The following KPNA4 variants were observed in gnomAD, a reference collection of about 807,000 sequenced individuals.
KPNA4 encodes importin subunit alpha-3.
A neutral mutation model predicts 71.3 loss-of-function variants in KPNA4; 13 were observed. The observed-to-expected ratio is 0.18, with a 90% CI of 0.12 to 0.29. The LOEUF (loss-of-function observed/expected upper bound fraction) is 0.29, where lower values mean the gene tolerates loss of function less well. Among genes scored for constraint, KPNA4 ranks in the 10% least tolerant of loss-of-function variants. The pLI, the probability that KPNA4 is intolerant of heterozygous loss-of-function variation, is 1.00. For missense variants in KPNA4, 334 were observed against 603.2 expected, an observed-to-expected ratio of 0.55 and a Z score of 4.67; for synonymous variants, 189 against 195.2, an observed-to-expected ratio of 0.97 and a Z score of 0.26.
At chr3:160,546,338 C>A (rs903434810) in intron 1 of KPNA4, among the ~76,000 whole-genome samples, 1 of 152,016 alleles carries the variant, frequency 6.6e-6, no homozygotes, top group Non-Finnish European at 1.5e-5. Context: ...GGCAACATGG[C>A]GAAACCCTGA....
Position 160,508,177 on chromosome 3 carries a change from T to C in KPNA4, c.1302A>G (p.Gly434=). The C allele has an allele frequency of 6.2e-7, 1 of 1,612,306 alleles. No homozygotes were observed. The highest frequency in any genetic ancestry group is 1.1e-5 in the South Asian group (1 of 90,678). Residue 434 remains glycine (G), a synonymous_variant, in exon 15 of 17, where the codon GGA becomes GGG. Transcript: ENST00000334256. ...CAGCCATTTTTAATATATTACTTAG[T>C]CCATCGAGTACTACTTGCACAACTT... ...DAQVVQVVLD[G]LSNILKMAED...
chr3:160,519,255 T>C (rs1187425977), intron 11 of KPNA4, among the ~76,000 whole-genome samples: 1 of 152,198 alleles, frequency 6.6e-6, no homozygotes, highest in Non-Finnish European at 1.5e-5. Flanking sequence ...TCCAAAAATG[T>C]TTTGTAGTAG....
chr3:160,531,003 C>G (rs934191396), intron 6 of KPNA4, 63 bp from the exon 7 acceptor site: 1 of 1,067,240 alleles, frequency 9.4e-7, no homozygotes, highest in Non-Finnish European at 1.4e-6. Flanking sequence ...AATATCTAAC[C>G]ATTCTTCCTT....
intron 5 of KPNA4, among the ~76,000 whole-genome samples, chr3:160,532,399 C>G (rs1457348279): frequency 6.6e-6 from 1 of 152,074 alleles, no homozygotes; most frequent in Admixed American, 6.5e-5. Context: ...CTTTACACAC[C>G]AAATTTAAGG....
At chr3:160,553,677 C>T (rs371159567) in intron 1 of KPNA4, among the ~76,000 whole-genome samples, 5 of 152,134 alleles carry the variant, frequency 3.3e-5, no homozygotes, top group South Asian at 2.1e-4. Flanking sequence ...GATTTTAATT[C>T]TACAGATGCA....
chr3:160,556,177 A>T (rs549122206), intron 1 of KPNA4, among the ~76,000 whole-genome samples: 1 of 152,332 alleles, frequency 6.6e-6, no homozygotes, highest in East Asian at 1.9e-4. Flanking sequence ...TGCTGCTATG[A>T]ACACTCATTT....
In KPNA4 at chr3:160,545,018, C is replaced by G. The variant is rs555907502; in HGVS notation, c.70-8178G>C. Among the ~76,000 whole-genome samples, 3 of 152,286 alleles carry G rather than the reference C, an allele frequency of 2.0e-5. No homozygotes were observed. In the South Asian group the frequency reaches 6.2e-4, roughly 32 times the overall value. On this transcript the variant is annotated intron_variant, in intron 1 of 16. Coordinates refer to ENST00000334256, the MANE Select transcript of KPNA4 (RefSeq NM_002268.5). ...GGAGAAAGGAACTATGGCCCAGCGA[C>G]TTCAAGAATACCAAAGCTTAGATAT... is the stretch of plus-strand genomic sequence containing the variant.
intron 1 of KPNA4, among the ~76,000 whole-genome samples, chr3:160,537,602 T>C (rs1412435845): frequency 6.7e-6 from 1 of 149,866 alleles, no homozygotes; most frequent in African/African-American, 2.5e-5. Flanking sequence ...CTAATGACTG[T>C]GTATTACGTA....
chr3:160,540,711 A>G (rs1421698121), intron 1 of KPNA4, among the ~76,000 whole-genome samples: 1 of 152,200 alleles, frequency 6.6e-6, no homozygotes, highest in African/African-American at 2.4e-5. Flanking sequence ...CATGACTTAC[A>G]CTGATGCAGT....
intron 11 of KPNA4, 45 bp downstream of exon 11, chr3:160,521,734 A>C: frequency 6.4e-7 from 1 of 1,573,120 alleles, no homozygotes. Context: ...GCTTAAAGCA[A>C]TTAGTGGTAA....
At chr3:160,515,394 A>G (rs897165412) in intron 12 of KPNA4, 58 bp downstream of exon 12, 1 of 1,426,392 alleles carries the variant, frequency 7.0e-7, no homozygotes, top group Admixed American at 2.1e-5. Flanking sequence ...TAATTTTACA[A>G]ATAGAAACTG....
At chr3:160,542,911 CATAAAT>C (rs1184019603) in intron 1 of KPNA4, among the ~76,000 whole-genome samples, 2 of 152,080 alleles carry the variant, frequency 1.3e-5, no homozygotes, top group Non-Finnish European at 2.9e-5. Flanking sequence ...TTTATTAGTA[CATAAAT>C]ATAATTTTTA....
rs142676520 is a variant in KPNA4 at position 160,534,457 on chromosome 3, C to T, written c.287+1056G>A. Among the ~76,000 whole-genome samples, 218 of 152,096 alleles carry T rather than the reference C, an allele frequency of 1.4e-3. 5 individuals are homozygous for T. In the East Asian group the frequency reaches 0.039, roughly 27 times the overall value. ...AAAACAGGCAGGGTATGGTGGTTCA[C>T]GCCTGTAATCCCAGCACTTTGGGAG... On this transcript the variant is annotated intron_variant, in intron 5 of 16. Coordinates refer to ENST00000334256, the MANE Select transcript of KPNA4 (RefSeq NM_002268.5).
chr3:160,548,120 T>C (rs1721961310), intron 1 of KPNA4, among the ~76,000 whole-genome samples: 1 of 152,190 alleles, frequency 6.6e-6, no homozygotes, highest in African/African-American at 2.4e-5. Flanking sequence ...AAAGTGATTG[T>C]ACCATTTTGC....
chr3:160,517,123 CCA>C (rs1721244776), intron 11 of KPNA4, among the ~76,000 whole-genome samples: 1 of 152,002 alleles, frequency 6.6e-6, no homozygotes, highest in Admixed American at 6.5e-5. Context: ...GTGATCACTC[CCA>C]CACTGCCTTC....
intron 13 of KPNA4, among the ~76,000 whole-genome samples, chr3:160,511,653 A>C (rs575234734): frequency 2.2e-4 from 34 of 151,664 alleles, no homozygotes; most frequent in Non-Finnish European, 4.6e-4. Context: ...ACAAATGTCA[A>C]AGAAATCTTA....
At chr3:160,548,050 C>T (rs1234513699) in intron 1 of KPNA4, among the ~76,000 whole-genome samples, 1 of 152,130 alleles carries the variant, frequency 6.6e-6, no homozygotes, top group Non-Finnish European at 1.5e-5. Flanking sequence ...TGGTTAATTA[C>T]CAAGGCGTGC....
intron 16 of KPNA4, among the ~76,000 whole-genome samples, chr3:160,503,940 C>T (rs573160772): frequency 3.3e-5 from 5 of 152,088 alleles, no homozygotes; most frequent in East Asian, 1.9e-4. Flanking sequence ...AAAAGTTATC[C>T]GGGCATAGTG....
intron 7 of KPNA4, among the ~76,000 whole-genome samples, chr3:160,530,019 C>CA (rs2108551691): frequency 6.6e-6 from 1 of 150,950 alleles, no homozygotes; most frequent in Admixed American, 6.6e-5. Context: ...CCTGTAGCCC[C>CA]AGGTACTTGG....
Sources: gnomAD v4.1 joint callset for allele counts (sites outside exome capture counted in the v4.1 genomes callset) on GRCh38, gnomAD v4.1.1 for gene constraint, MANE v1.5 for transcripts, NCBI Gene and HGNC (gene_info 2026-07-23, HGNC 2026-07-21) for gene names.